CNST: variants seen among roughly 807,000 people sequenced by gnomAD.
CNST encodes consortin.
In CNST, 39 loss-of-function variants were observed where a neutral mutation model predicts 72.4. The ratio of observed to expected loss-of-function variants is 0.54; its 90% CI spans 0.42 to 0.70. CNST has a LOEUF of 0.70. Among genes scored for constraint, CNST ranks in the 30% least tolerant of loss-of-function variants. The pLI is 0.00. For missense variants in CNST, 871 were observed against 868.5 expected (o/e 1.00, Z -0.04); for synonymous variants, 332 against 320.1 (o/e 1.04, Z -0.40).
intron 1 of CNST, among the ~76,000 whole-genome samples, chr1:246,574,434 AT>A (rs1165109214): frequency 6.6e-6 from 1 of 152,034 alleles, no homozygotes; most frequent in African/African-American, 2.4e-5. Context: ...TTTAAAAAAA[AT>A]TTTTTTTAGA....
intron 2 of CNST, among the ~76,000 whole-genome samples, chr1:246,613,326 A>G (rs1466375663): frequency 1.3e-5 from 2 of 152,114 alleles, no homozygotes; most frequent in Non-Finnish European, 2.9e-5. Flanking sequence ...TCCTTTCCTC[A>G]GGGTGTGTTG....
At chr1:246,655,417 C>T (rs1222095178) in intron 9 of CNST, among the ~76,000 whole-genome samples, 1 of 152,150 alleles carries the variant, frequency 6.6e-6, no homozygotes, top group East Asian at 1.9e-4. Context: ...CCTGGCCCAG[C>T]GGTGACATGT....
At chr1:246,624,263 G>A (rs1664275494) in intron 3 of CNST, among the ~76,000 whole-genome samples, 1 of 152,172 alleles carries the variant, frequency 6.6e-6, no homozygotes, top group Non-Finnish European at 1.5e-5. Context: ...AGCTTTCACT[G>A]CATTTGAACA....
intron 9 of CNST, among the ~76,000 whole-genome samples, chr1:246,654,774 TCAAA>T (rs917765942): frequency 3.2e-4 from 49 of 152,338 alleles, no homozygotes; most frequent in African/African-American, 8.4e-4. Flanking sequence ...GCTACATTAC[TCAAA>T]CAAGTATTTG....
At chr1:246,662,432 C>T (rs928295898) in intron 10 of CNST, among the ~76,000 whole-genome samples, 35 of 152,054 alleles carry the variant, frequency 2.3e-4, no homozygotes, top group Admixed American at 1.5e-3. Context: ...CTCTGTCGCC[C>T]GGCTGGAGTG....
At chr1:246,624,787 G>A (rs1452110941) in intron 3 of CNST, among the ~76,000 whole-genome samples, 3 of 152,174 alleles carry the variant, frequency 2.0e-5, no homozygotes, top group African/African-American at 7.2e-5. Flanking sequence ...TTTTTTAGCT[G>A]GGGCTATAGG....
intron 1 of CNST, among the ~76,000 whole-genome samples, chr1:246,571,223 A>G (rs1660050558): frequency 6.6e-6 from 1 of 152,190 alleles, no homozygotes; most frequent in Non-Finnish European, 1.5e-5. Context: ...ATCTCAGCTC[A>G]CTGCAACCTC....
chr1:246,621,643 G>GT lies in CNST; in HGVS notation c.585+10dup. 6.2e-7 allele frequency: 1 copy of GT among 1,607,526 alleles called. No homozygotes were observed. Among genetic ancestry groups the GT allele is most frequent in the South Asian group, 1.1e-5 (1 of 90,930 alleles). On this transcript the variant is annotated intron_variant, in intron 3 of 10. Transcript: ENST00000366513. The stretch of plus-strand genomic sequence containing the variant: ...CCCTTTGCCTTCATCAGGTACTCTG[G>GT]TAAACCCTTCACTTTCAGCCTCACG...
At position 246,621,747 on chromosome 1, in the gene CNST, C is replaced by T. The variant is rs955271585; in HGVS notation, c.585+113C>T. 3.2e-6 allele frequency: 3 copies of T among 926,614 alleles called. No individual in the cohort carries two copies. In the African/African-American group the frequency reaches 4.9e-5, roughly 15 times the overall value. The allele number at this position is 926,614 out of a possible 1,614,324, so 57.4% of individuals were successfully genotyped here. ...CAGTGGCTCATGCCTGTAATCCCAG[C>T]ATTTTGGGAGGCTGAGGTGGGTGGA... On this transcript the variant is annotated intron_variant, in intron 3 of 10. Transcript: ENST00000366513.
intron 2 of CNST, among the ~76,000 whole-genome samples, 165 bp from the exon 3 acceptor site, chr1:246,621,264 G>A (rs374177631): frequency 6.6e-6 from 1 of 152,288 alleles, no homozygotes; most frequent in African/African-American, 2.4e-5. Flanking sequence ...TAATCAGAAA[G>A]ACTCAACTTC....
At chr1:246,605,548 C>T (rs1662675184) in intron 2 of CNST, among the ~76,000 whole-genome samples, 2 of 152,100 alleles carry the variant, frequency 1.3e-5, no homozygotes, top group Admixed American at 1.3e-4. Context: ...CACATGAGGA[C>T]GGGGCAGGGG....
Position 246,663,271 on chromosome 1 carries a change from C to T in CNST, c.1973-2429C>T, listed in dbSNP as rs189513289. Reference sequence around the variant, plus strand: ...ACTTGGGAGGCTGAGATGGGAGGATCGCTTGAGCCCAGGAGGTTGAGGCTG... The same window carrying T: ...ACTTGGGAGGCTGAGATGGGAGGATTGCTTGAGCCCAGGAGGTTGAGGCTG... On this transcript the variant is annotated intron_variant, in intron 10 of 10. Coordinates refer to ENST00000366513, the MANE Select transcript of CNST (RefSeq NM_152609.3). 1.3e-3 allele frequency among the ~76,000 whole-genome samples: 193 copies of T among 150,662 alleles called. 2 individuals are homozygous for T. The East Asian group carries it at 0.02, about 16-fold the overall frequency.
intron 2 of CNST, among the ~76,000 whole-genome samples, chr1:246,609,450 G>A (rs148156502): frequency 4.6e-4 from 70 of 152,300 alleles, no homozygotes; most frequent in Admixed American, 1.1e-3. Flanking sequence ...GGTGGTGGGC[G>A]CCTGTAATCC....
In CNST at chr1:246,634,504, A is replaced by T. The variant is rs1045651679; in HGVS notation, c.735A>T (p.Thr245=). The stretch of plus-strand genomic sequence containing the variant: ...AATGGAAAACTGTGCAACCACATAC[A>T]GTTACGGCTCTAAGGAATTCAGAAA... ...ETKWKTVQPH[T]VTALRNSEKG... is the part of the protein sequence containing the mutation. The change falls in exon 6 of 11, where the codon ACA becomes ACT. Residue 245 remains threonine (T), a synonymous_variant. Coordinates refer to ENST00000366513, the MANE Select transcript of CNST (RefSeq NM_152609.3). 1 of 1,602,360 alleles carries T rather than the reference A, an allele frequency of 6.2e-7. No individual in the cohort carries two copies. The highest frequency in any genetic ancestry group is 2.2e-5 in the East Asian group (1 of 44,720).
chr1:246,635,758 G>C (rs189340119), intron 6 of CNST, among the ~76,000 whole-genome samples: 5 of 152,118 alleles, frequency 3.3e-5, no homozygotes, highest in Non-Finnish European at 7.4e-5. Context: ...GTGGGAGTGC[G>C]ATAACCCCGT....
chr1:246,622,387 A>G (rs997611246), intron 3 of CNST, among the ~76,000 whole-genome samples: 1 of 152,204 alleles, frequency 6.6e-6, no homozygotes, highest in African/African-American at 2.4e-5. Context: ...GCAGCACAAA[A>G]TGAGTGATTC....
At chr1:246,625,698 G>A (rs543767635) in intron 3 of CNST, among the ~76,000 whole-genome samples, 4 of 152,198 alleles carry the variant, frequency 2.6e-5, no homozygotes, top group African/African-American at 9.6e-5. Context: ...GGGATTACAG[G>A]TGTGAGCCAC....
chr1:246,632,432 G>A, intron 4 of CNST: 1 of 208,646 alleles, frequency 4.8e-6, no homozygotes, highest in Non-Finnish European at 9.9e-6. Context: ...ATGCAGTAAG[G>A]GACCCCCATT....
chr1:246,584,463 C>T (rs551820532), intron 1 of CNST, among the ~76,000 whole-genome samples: 86 of 152,036 alleles, frequency 5.7e-4, no homozygotes, highest in African/African-American at 1.8e-3. Flanking sequence ...AAATTGGTGT[C>T]GAGATAGACT....
Sources: allele counts gnomAD v4.1 joint callset (sites outside exome capture counted in the v4.1 genomes callset), GRCh38; gene constraint gnomAD v4.1.1; transcripts MANE v1.5; gene names NCBI Gene and HGNC (gene_info 2026-07-23, HGNC 2026-07-21).